MACROD2: variants seen among roughly 807,000 people sequenced by gnomAD.
The protein encoded by MACROD2 is ADP-ribose glycohydrolase MACROD2.
In MACROD2, 36 loss-of-function variants were observed where a neutral mutation model predicts 70.4. The ratio of observed to expected loss-of-function variants is 0.51; its 90% CI spans 0.39 to 0.68. MACROD2 has a LOEUF of 0.68. MACROD2 is among the 30% of genes least tolerant of loss of function. The pLI, the probability that MACROD2 is intolerant of heterozygous loss-of-function variation, is 0.00. For missense variants in MACROD2, 496 were observed against 538.4 expected (o/e 0.92, Z 0.78); for synonymous variants, 172 against 178.8 (o/e 0.96, Z 0.30).
chr20:15,884,580 G>A (rs1356803834), intron 9 of MACROD2, among the ~76,000 whole-genome samples: 3 of 152,018 alleles, frequency 2.0e-5, no homozygotes, highest in Non-Finnish European at 4.4e-5. Context: ...CGTGTAAAAG[G>A]AGTGAGATAC....
chr20:14,395,129 A>G (rs1408489081), intron 3 of MACROD2, among the ~76,000 whole-genome samples: 9 of 152,208 alleles, frequency 5.9e-5, no homozygotes, highest in Admixed American at 2.6e-4. Context: ...CTCATCTTCA[A>G]CTTTCTGTGA....
chr20:14,151,687 T>G (rs1334011952), intron 3 of MACROD2, among the ~76,000 whole-genome samples: 1 of 152,008 alleles, frequency 6.6e-6, no homozygotes, highest in African/African-American at 2.4e-5. Context: ...TCTAGTTATA[T>G]GGCAGTTATC....
chr20:14,819,428 T>C (rs1434894576), intron 5 of MACROD2, among the ~76,000 whole-genome samples: 5 of 151,124 alleles, frequency 3.3e-5, no homozygotes, highest in African/African-American at 4.9e-5. Flanking sequence ...TCAAGTTTCA[T>C]TCACTTTTCC....
intron 7 of MACROD2, among the ~76,000 whole-genome samples, chr20:15,456,450 T>C (rs2046727590): frequency 6.6e-6 from 1 of 152,218 alleles, no homozygotes; most frequent in Non-Finnish European, 1.5e-5. Context: ...CTGCCTTCAC[T>C]GCATTCAGGC....
chr20:15,923,552 C>T (rs2065443863), intron 10 of MACROD2, among the ~76,000 whole-genome samples: 1 of 152,150 alleles, frequency 6.6e-6, no homozygotes, highest in African/African-American at 2.4e-5. Flanking sequence ...GCAGCAGCAT[C>T]ACCCAGGAAT....
At chr20:14,814,369 A>G (rs879449097) in intron 5 of MACROD2, among the ~76,000 whole-genome samples, 1 of 152,124 alleles carries the variant, frequency 6.6e-6, no homozygotes, top group Non-Finnish European at 1.5e-5. Flanking sequence ...GCTTGGCAAC[A>G]GTAAATGCTT....
chr20:15,851,123 G>A (rs181983764), intron 8 of MACROD2, among the ~76,000 whole-genome samples: 272 of 152,140 alleles, frequency 1.8e-3, no homozygotes, highest in Non-Finnish European at 3.1e-3. Context: ...AGTGTCCATG[G>A]AAGTAGACTG....
chr20:15,433,459 C>CAAAAAAAAAAAAAAAAAAA (rs60298297), intron 7 of MACROD2, among the ~76,000 whole-genome samples: 2 of 88,250 alleles, frequency 2.3e-5, no homozygotes, highest in Admixed American at 1.3e-4. Flanking sequence ...ACAAGAGCTG[C>CAAAAAAAAAAAAAAAAAAA]AAAAAAAAAA....
chr20:15,465,942 G>A (rs1369521617), intron 7 of MACROD2, among the ~76,000 whole-genome samples: 1 of 152,194 alleles, frequency 6.6e-6, no homozygotes, highest in African/African-American at 2.4e-5. Context: ...TGGACACAGT[G>A]ATAAGCAAGT....
chr20:15,273,629 G>T (rs917823326), intron 6 of MACROD2, among the ~76,000 whole-genome samples: 2 of 152,100 alleles, frequency 1.3e-5, no homozygotes, highest in Non-Finnish European at 2.9e-5. Flanking sequence ...TCTTCTGAAG[G>T]CCTACAGATG....
chr20:14,927,110 T>C (rs2074242492), intron 5 of MACROD2, among the ~76,000 whole-genome samples: 1 of 152,190 alleles, frequency 6.6e-6, no homozygotes, highest in Non-Finnish European at 1.5e-5. Context: ...CTCCTGCCTA[T>C]TTACAACTTC....
intron 6 of MACROD2, among the ~76,000 whole-genome samples, chr20:15,269,867 T>TTTAA (rs909950995): frequency 6.6e-6 from 1 of 152,344 alleles, no homozygotes; most frequent in South Asian, 2.1e-4. Context: ...CATTTACCTC[T>TTTAA]TTAATTAATT....
chr20:14,835,046 G>A (rs2073014056), intron 5 of MACROD2, among the ~76,000 whole-genome samples: 1 of 151,994 alleles, frequency 6.6e-6, no homozygotes, highest in Non-Finnish European at 1.5e-5. Context: ...TCCCCTTTAT[G>A]TGGTATAGTA....
chr20:15,776,583 A>G (rs1233825281), intron 8 of MACROD2, among the ~76,000 whole-genome samples: 1 of 152,178 alleles, frequency 6.6e-6, no homozygotes, highest in Non-Finnish European at 1.5e-5. Context: ...CAAATCATAT[A>G]ATAAAATAAT....
At chr20:14,242,690 A>G (rs2081939304) in intron 3 of MACROD2, among the ~76,000 whole-genome samples, 1 of 152,184 alleles carries the variant, frequency 6.6e-6, no homozygotes, top group Non-Finnish European at 1.5e-5. Context: ...GCATCTGTTT[A>G]TTCTCATGTA....
At chr20:15,871,195 T>TAAAA (rs1244203034) in intron 9 of MACROD2, among the ~76,000 whole-genome samples, 7 of 143,616 alleles carry the variant, frequency 4.9e-5, no homozygotes, top group Non-Finnish European at 7.7e-5. Flanking sequence ...AAAAAAAAAT[T>TAAAA]ATAAAATTAA....
At chr20:15,469,953 T>C (rs1453673480) in intron 7 of MACROD2, among the ~76,000 whole-genome samples, 1 of 152,236 alleles carries the variant, frequency 6.6e-6, no homozygotes, top group Non-Finnish European at 1.5e-5. Flanking sequence ...ACCAAAAAAT[T>C]AGTTGAAAAC....
chr20:15,644,065 G>A (rs189769368), intron 8 of MACROD2, among the ~76,000 whole-genome samples: 48 of 152,180 alleles, frequency 3.2e-4, no homozygotes, highest in African/African-American at 1.1e-3. Context: ...TTATAAGCTG[G>A]AAAACATAAC....
chr20:14,281,637 A>G (rs1467369781), intron 3 of MACROD2, among the ~76,000 whole-genome samples: 1 of 152,120 alleles, frequency 6.6e-6, no homozygotes, highest in Non-Finnish European at 1.5e-5. Flanking sequence ...TTATATCTCA[A>G]TTAAAAATAT....
Sources: gnomAD v4.1 joint callset for allele counts (sites outside exome capture counted in the v4.1 genomes callset) on GRCh38, gnomAD v4.1.1 for gene constraint, MANE v1.5 for transcripts, NCBI Gene and HGNC (gene_info 2026-07-23, HGNC 2026-07-21) for gene names.